CATSPERG: variants seen among roughly 807,000 people sequenced by gnomAD.
The protein encoded by CATSPERG is catsper channel auxiliary subunit gamma, also known as cation channel sperm-associated auxiliary subunit gamma.
Under a neutral mutation model 145.0 loss-of-function variants are expected in CATSPERG, and 115 were observed. The ratio of observed to expected loss-of-function variants is 0.79; its 90% confidence interval spans 0.68 to 0.93. The LOEUF (loss-of-function observed/expected upper bound fraction) is 0.93. Among genes scored for constraint, CATSPERG ranks in the 40% least tolerant of loss-of-function variants. CATSPERG has a pLI of 0.00. For synonymous variants in CATSPERG, 588 were observed against 589.0 expected (o/e 1.00, Z 0.02); for missense variants, 1,296 against 1,490.1 (o/e 0.87, Z 2.14).
In CATSPERG at chr19:38,352,363, C is replaced by G. The variant is rs200982088; in HGVS notation, c.928C>G (p.Arg310Gly). 5 of 1,551,874 alleles carry G rather than the reference C, an allele frequency of 3.2e-6. No homozygotes were observed. The East Asian group carries it at 7.3e-5, about 23-fold the overall frequency. Reference sequence around the variant, plus strand: ...TGCCACCGAGAGCACCCTCTTCATTCGGCAGAACCAGCTGGTCTACTATTT... The same window carrying G: ...TGCCACCGAGAGCACCCTCTTCATTGGGCAGAACCAGCTGGTCTACTATTT... Reference protein sequence around the residue: ...TIATESTLFIRQNQLVYYFTG... With the variant: ...TIATESTLFIGQNQLVYYFTG... The change falls in exon 8 of 29, where the codon CGG becomes GGG. Residue 310 changes from arginine to glycine, a missense_variant. Coordinates refer to ENST00000409235, the MANE Select transcript of CATSPERG (RefSeq NM_021185.5).
chr19:38,361,514 G>A, intron 16 of CATSPERG, 134 bp from the exon 17 acceptor site: 1 of 711,168 alleles, frequency 1.4e-6, no homozygotes, highest in Admixed American at 2.6e-5. Context: ...TGGGCAGCAG[G>A]GGCTGACGCT....
At chr19:38,358,824 G>A (rs1016218021) in intron 13 of CATSPERG, among the ~76,000 whole-genome samples, 1 of 151,986 alleles carries the variant, frequency 6.6e-6, no homozygotes, top group Non-Finnish European at 1.5e-5. Flanking sequence ...GTGAGCAATA[G>A]ATGAGCAGTT....
intron 9 of CATSPERG, among the ~76,000 whole-genome samples, chr19:38,356,163 CAA>C (rs1970239125): frequency 6.6e-6 from 1 of 152,132 alleles, no homozygotes; most frequent in Admixed American, 6.6e-5. Context: ...GCTTCAGACT[CAA>C]GTCACCTACT....
chr19:38,363,530 T>C (rs549121525), intron 20 of CATSPERG, among the ~76,000 whole-genome samples: 1 of 150,690 alleles, frequency 6.6e-6, no homozygotes, highest in Admixed American at 6.6e-5. Context: ...CTTGGGTGTT[T>C]CTAGGACAAT....
intron 25 of CATSPERG, 118 bp from the exon 26 acceptor site, chr19:38,367,930 G>A (rs550544246): frequency 2.7e-5 from 31 of 1,142,524 alleles, no homozygotes; most frequent in African/African-American, 2.3e-4. Context: ...ACTCCTGCCC[G>A]CCCCTAACAC....
At chr19:38,351,358 C>T (rs769532520) in intron 7 of CATSPERG, among the ~76,000 whole-genome samples, 19 of 152,228 alleles carry the variant, frequency 1.2e-4, no homozygotes, top group Non-Finnish European at 2.1e-4. Context: ...CCTGTAATCC[C>T]AGCACTTTGG....
chr19:38,370,814 CCA>C lies in CATSPERG; in HGVS notation c.*23_*24del, dbSNP rs761759917. 103 of 1,608,360 alleles carry C rather than the reference CCA, an allele frequency of 6.4e-5. No homozygotes were observed. The African/African-American group carries it at 1.2e-3, about 18-fold the overall frequency. Reference sequence around the variant, plus strand: ...CTGAGTGTCCCACCTGCCCCAGCCCCCAGTTACTGTCACGCCTCTCTTATGAG... The same window carrying C: ...CTGAGTGTCCCACCTGCCCCAGCCCCGTTACTGTCACGCCTCTCTTATGAG... On this transcript the variant is annotated 3_prime_UTR_variant, in exon 29 of 29. Transcript: ENST00000409235.
At chr19:38,354,919 T>C (rs1171176862) in intron 9 of CATSPERG, 72 bp downstream of exon 9, 19 of 1,539,400 alleles carry the variant, frequency 1.2e-5, no homozygotes, top group Non-Finnish European at 1.7e-5. Flanking sequence ...ATTCTAACCT[T>C]GGGCCCTCAC....
intron 22 of CATSPERG, chr19:38,366,174 C>T (rs1160917887): frequency 6.6e-6 from 1 of 152,298 alleles, no homozygotes; most frequent in Non-Finnish European, 1.5e-5. Context: ...CCGGGGCAGA[C>T]ACTGAGGCTC....
In CATSPERG at chr19:38,343,673, A is replaced by G. The variant is rs536857831; in HGVS notation, c.418A>G (p.Lys140Glu). 1 of 1,551,464 alleles carries G rather than the reference A, an allele frequency of 6.4e-7. No homozygotes were observed. The highest frequency in any genetic ancestry group is 1.4e-5 in the African/African-American group (1 of 73,154). Reference protein sequence around the residue: ...FQSPVNFYRWKIEQLQIQMEA... With the variant: ...FQSPVNFYRWEIEQLQIQMEA... ...GTCCCCAGTCAACTTCTACCGCTGG[A>G]AGATAGAGCAGCTGCAGATCCAGAT... The change falls in exon 4 of 29, where the codon AAG becomes GAG. Residue 140 changes from lysine to glutamate, a missense_variant. Lys to Glu is a moderately conservative substitution (Grantham distance 56). Transcript: ENST00000409235.
Position 38,365,101 on chromosome 19 carries a change from TG to T in CATSPERG, c.2601del (p.His869IlefsTer6). ...SSGLCFQETH[L>X]GPHMQGNLMV... ...GGGCTCTGCTTCCAGGAAACACACC[TG>T]GGGCCCCATATGCAAGTATTGGAGC... On this transcript the variant is annotated frameshift_variant, in exon 22 of 29. Transcript: ENST00000409235. LOFTEE classifies it high-confidence loss of function. 6.2e-7 allele frequency: 1 copy of T among 1,613,686 alleles called. No homozygotes were observed. The highest frequency in any genetic ancestry group is 8.5e-7 in the Non-Finnish European group (1 of 1,180,012).
intron 7 of CATSPERG, among the ~76,000 whole-genome samples, chr19:38,348,463 C>T (rs929911847): frequency 7.2e-6 from 1 of 139,654 alleles, no homozygotes; most frequent in Non-Finnish European, 1.5e-5. Context: ...CCACAAACTT[C>T]GTTTTTTTTT....
chr19:38,348,763 G>A (rs969233826), intron 7 of CATSPERG, among the ~76,000 whole-genome samples: 1 of 152,068 alleles, frequency 6.6e-6, no homozygotes, highest in African/African-American at 2.4e-5. Context: ...GTGAGCCATC[G>A]CACCTGGTCA....
Position 38,343,977 on chromosome 19 carries a change from C to T in CATSPERG, c.470-16C>T. The T allele has an allele frequency of 6.5e-7, 1 of 1,548,986 alleles. No individual in the cohort carries two copies. On this transcript the variant is annotated splice_polypyrimidine_tract_variant and intron_variant, in intron 4 of 28. Coordinates refer to ENST00000409235, the MANE Select transcript of CATSPERG (RefSeq NM_021185.5). ...GGGAGGCCCCAGCAGTTTCAGTGCC[C>T]AGGGCCTCCCTGCAGAGCCATGCAT...
In CATSPERG at chr19:38,352,720, C is replaced by T. The variant is rs188995032; in HGVS notation, c.997+288C>T. 5.1e-4 allele frequency among the ~76,000 whole-genome samples: 76 copies of T among 150,228 alleles called. 2 individuals carry two copies. Among genetic ancestry groups the T allele is most frequent in the South Asian group, 1.1e-3 (5 of 4,710 alleles). On this transcript the variant is annotated intron_variant, in intron 8 of 28. Coordinates refer to ENST00000409235, the MANE Select transcript of CATSPERG (RefSeq NM_021185.5). ...GGAGGTAGAGAGAGGCAGACCCACG[C>T]GTGTGCCCACACACAGTGGCAGAAG...
intron 5 of CATSPERG, 73 bp downstream of exon 5, chr19:38,344,192 A>T (rs944122889): frequency 6.5e-7 from 1 of 1,543,720 alleles, no homozygotes; most frequent in African/African-American, 1.4e-5. Flanking sequence ...CAGAGGAGCC[A>T]GTGGGAGATC....
Position 38,368,116 on chromosome 19 carries a change from C to T in CATSPERG, c.2999C>T (p.Ser1000Phe), listed in dbSNP as rs1173381961. ...AAAGACTCAGCCTTTCACATCATGT[C>T]CCACGAGAGCCCAGGCATCGAGTGA... is the stretch of plus-strand genomic sequence containing the variant. Reference protein sequence around the residue: ...TTKDSAFHIMSHESPGIEWLC... With the variant: ...TTKDSAFHIMFHESPGIEWLC... Residue 1000 changes from serine (S) to phenylalanine (F), a missense_variant, in exon 26 of 29, where the codon TCC (serine) becomes TTC (phenylalanine). Coordinates refer to ENST00000409235, the MANE Select transcript of CATSPERG (RefSeq NM_021185.5). 1 of 1,614,156 alleles carries T rather than the reference C, an allele frequency of 6.2e-7. No individual in the cohort carries two copies. The highest frequency in any genetic ancestry group is 1.7e-5 in the Admixed American group (1 of 60,024).
intron 10 of CATSPERG, 96 bp from the exon 11 acceptor site, chr19:38,356,645 TC>T: frequency 6.3e-7 from 1 of 1,591,594 alleles, no homozygotes; most frequent in Non-Finnish European, 8.6e-7. Context: ...ATGGGCAGTG[TC>T]TTAGGGAGGG....
intron 14 of CATSPERG, chr19:38,360,127 G>A (rs1467953679): frequency 3.0e-6 from 3 of 985,236 alleles, no homozygotes; most frequent in Non-Finnish European, 3.6e-6. Flanking sequence ...CAGGGAAATG[G>A]TGAGACCCTG....
Sources: allele counts gnomAD v4.1 joint callset (sites outside exome capture counted in the v4.1 genomes callset), GRCh38; gene constraint gnomAD v4.1.1; transcripts MANE v1.5; gene names NCBI Gene and HGNC (gene_info 2026-07-23, HGNC 2026-07-21).